STIM1: variants seen among roughly 807,000 people sequenced by gnomAD.
STIM1 encodes stromal interaction molecule 1.
A neutral mutation model predicts 74.7 loss-of-function variants in STIM1; 25 were observed. The observed-to-expected ratio is 0.33, with a 90% CI of 0.24 to 0.47. The LOEUF (loss-of-function observed/expected upper bound fraction) is 0.47, where lower values mean the gene tolerates loss of function less well. STIM1 is among the 20% of genes least tolerant of loss of function. The pLI, the probability that STIM1 is intolerant of heterozygous loss-of-function variation, is 1.00. For missense variants in STIM1, 728 were observed against 920.8 expected (o/e 0.79, Z 2.71); for synonymous variants, 328 against 348.8 (o/e 0.94, Z 0.66).
chr11:4,019,532 C>T (rs956882141), intron 2 of STIM1, among the ~76,000 whole-genome samples: 39 of 151,584 alleles, frequency 2.6e-4, no homozygotes, highest in African/African-American at 7.3e-4. Flanking sequence ...AAAAATAGCT[C>T]GGTACCGTGG....
intron 1 of STIM1, among the ~76,000 whole-genome samples, chr11:3,865,773 G>T (rs1025722008): frequency 2.6e-5 from 4 of 152,146 alleles, no homozygotes; most frequent in African/African-American, 9.7e-5. Context: ...CAGGGTAAAT[G>T]TATTAAAAAC....
In STIM1 at chr11:3,856,043, C is replaced by A; in HGVS notation, c.-228C>A. On this transcript the variant is annotated 5_prime_UTR_variant, in exon 1 of 13. Transcript: ENST00000526596. ...GGCACGAGCTCAGGCCGCCGCAGCC[C>A]CGGCGGACCCACTGTTGGACCTGAG... 1.7e-6 allele frequency: 1 copy of A among 573,646 alleles called. No homozygotes were observed. The highest frequency in any genetic ancestry group is 3.1e-6 in the Non-Finnish European group (1 of 321,134). The allele number at this position is 573,646 out of a possible 1,614,324, so 35.5% of individuals were successfully genotyped here. A position where few individuals can be genotyped will look rare whatever the true frequency, so the allele number is the denominator to read the frequency against.
At chr11:3,896,662 G>A (rs1262108948) in intron 1 of STIM1, among the ~76,000 whole-genome samples, 1 of 152,198 alleles carries the variant, frequency 6.6e-6, no homozygotes, top group Non-Finnish European at 1.5e-5. Context: ...ATGGGGCAGT[G>A]GGAGTTTAGG....
chr11:3,986,031 TTC>T (rs1203960659), intron 2 of STIM1, among the ~76,000 whole-genome samples: 3 of 152,250 alleles, frequency 2.0e-5, no homozygotes, highest in Non-Finnish European at 4.4e-5. Context: ...CTTGCCTTCT[TTC>T]TCTCTTTTTT....
rs544025020 is a variant in STIM1 at position 3,928,514 on chromosome 11, A to C, written c.140-39038A>C. 2.0e-4 allele frequency among the ~76,000 whole-genome samples: 30 copies of C among 152,194 alleles called. No homozygotes were observed. The South Asian group carries it at 6.2e-3, about 32-fold the overall frequency. On this transcript the variant is annotated intron_variant, in intron 1 of 12. Transcript: ENST00000526596. ...AGTGCTGGGATTACAGATGTGAGCC[A>C]CAACGCTCGGCTGCTATTCTGTTTT...
chr11:3,921,816 A>G (rs2092721183), intron 1 of STIM1: 1 of 152,210 alleles, frequency 6.6e-6, no homozygotes. Context: ...CGGAAGTCCC[A>G]TCAATATATT....
chr11:3,914,663 A>G (rs1445005413), intron 1 of STIM1, among the ~76,000 whole-genome samples: 1 of 152,142 alleles, frequency 6.6e-6, no homozygotes, highest in Admixed American at 6.6e-5. Flanking sequence ...GATGGTCTCA[A>G]TCTCCTGACC....
chr11:4,086,434 A>G (rs758763118), intron 11 of STIM1, 43 bp from the exon 12 acceptor site: 1 of 1,608,504 alleles, frequency 6.2e-7, no homozygotes, highest in Non-Finnish European at 8.5e-7. Context: ...GCCAGCCCAA[A>G]GTGGGCTGGC....
chr11:4,079,066 C>T (rs1565169476), intron 7 of STIM1, among the ~76,000 whole-genome samples: 2 of 151,992 alleles, frequency 1.3e-5, no homozygotes, highest in South Asian at 2.1e-4. Context: ...CCAAAGCGGG[C>T]GGATCATGAA....
chr11:3,982,085 G>GACAT lies in STIM1; in HGVS notation c.270+14403_270+14404insACAT, dbSNP rs1590621412. On this transcript the variant is annotated intron_variant, in intron 2 of 12. Transcript: ENST00000526596. ...TCTGTCACCCAGCCTGGAGTGCAGT[G>GACAT]GCATGCTCATAGCTTACTGCAGCCT... is the stretch of plus-strand genomic sequence containing the variant. Among the ~76,000 whole-genome samples the GACAT allele has an allele frequency of 2.0e-5, 3 of 150,724 alleles. No individual in the cohort carries two copies. The East Asian group carries it at 5.9e-4, about 30-fold the overall frequency.
At chr11:3,969,477 G>C (rs910276737) in intron 2 of STIM1, among the ~76,000 whole-genome samples, 5 of 152,142 alleles carry the variant, frequency 3.3e-5, no homozygotes, top group African/African-American at 1.2e-4. Flanking sequence ...GCAAGACCCT[G>C]TCTCTAAAAC....
At chr11:3,978,889 G>A (rs2093475427) in intron 2 of STIM1, among the ~76,000 whole-genome samples, 1 of 152,084 alleles carries the variant, frequency 6.6e-6, no homozygotes, top group African/African-American at 2.4e-5. Context: ...GGTTCCCGAT[G>A]CCACCATTTG....
intron 1 of STIM1, among the ~76,000 whole-genome samples, chr11:3,876,200 G>A (rs1275440867): frequency 6.6e-6 from 1 of 152,224 alleles, no homozygotes; most frequent in Non-Finnish European, 1.5e-5. Context: ...GTCATACTTA[G>A]TGGGTGGCTG....
At chr11:4,088,736 A>T (rs2094507113) in intron 12 of STIM1, 2 of 1,535,624 alleles carry the variant, frequency 1.3e-6, no homozygotes, top group South Asian at 2.4e-5. Context: ...GCTCTCTAGT[A>T]AGGTCAGTAG....
At chr11:4,062,456 C>A (rs1590683745) in intron 5 of STIM1, among the ~76,000 whole-genome samples, 1 of 152,104 alleles carries the variant, frequency 6.6e-6, no homozygotes, top group African/African-American at 2.4e-5. Flanking sequence ...CCTGTCTCTA[C>A]TAAAAAAATA....
chr11:3,981,021 G>A (rs549900144), intron 2 of STIM1, among the ~76,000 whole-genome samples: 3 of 152,228 alleles, frequency 2.0e-5, no homozygotes, highest in African/African-American at 4.8e-5. Flanking sequence ...TTTTGGAGAC[G>A]GAGTCTTGTT....
At chr11:3,972,386 C>G (rs1431137979) in intron 2 of STIM1, among the ~76,000 whole-genome samples, 2 of 152,168 alleles carry the variant, frequency 1.3e-5, no homozygotes, top group African/African-American at 4.8e-5. Flanking sequence ...TACCTAGATT[C>G]CTATATACAT....
At chr11:4,011,879 C>G (rs1042623733) in intron 2 of STIM1, among the ~76,000 whole-genome samples, 37 of 152,130 alleles carry the variant, frequency 2.4e-4, no homozygotes, top group African/African-American at 8.9e-4. Flanking sequence ...AGTCTTTAAT[C>G]CATCTCTAGT....
At chr11:4,022,807 C>T (rs745681571) in intron 2 of STIM1, among the ~76,000 whole-genome samples, 3 of 152,212 alleles carry the variant, frequency 2.0e-5, no homozygotes, top group Admixed American at 6.5e-5. Flanking sequence ...GTGGCTTCAG[C>T]GTAGCCAGGC....
Sources: allele counts gnomAD v4.1 joint callset (sites outside exome capture counted in the v4.1 genomes callset), GRCh38; gene constraint gnomAD v4.1.1; transcripts MANE v1.5; gene names NCBI Gene and HGNC (gene_info 2026-07-23, HGNC 2026-07-21).